SLC71A2: variants seen among roughly 807,000 people sequenced by gnomAD.
SLC71A2 encodes the protein hippocampus abundant transcript-like 1.
At chr9:94,411,620 C>T in the SLC71A2 span, among the ~76,000 whole-genome samples, 231 of 147,646 alleles carry the variant, frequency 1.6e-3, no homozygotes, top group Middle Eastern at 3.5e-3. Flanking sequence ...GACAGAGTTT[C>T]GTGCTTGTTG....
chr9:94,415,840 C>G, the SLC71A2 span, among the ~76,000 whole-genome samples: 1 of 152,146 alleles, frequency 6.6e-6, no homozygotes, highest in African/African-American at 2.4e-5. Flanking sequence ...TAACAGGCCA[C>G]GGACTCATAG....
the SLC71A2 span, chr9:94,451,503 A>G: frequency 3.2e-6 from 5 of 1,572,942 alleles, no homozygotes; most frequent in Non-Finnish European, 3.5e-6. Context: ...TAGCTATGGT[A>G]GGAATTCTGT....
chr9:94,459,043 G>A, the SLC71A2 span: 2 of 1,099,108 alleles, frequency 1.8e-6, no homozygotes, highest in African/African-American at 3.1e-5. Context: ...TGAAACATTT[G>A]CTTATGAGAA....
At chr9:94,389,302 G>A in the SLC71A2 span, among the ~76,000 whole-genome samples, 1 of 150,514 alleles carries the variant, frequency 6.6e-6, no homozygotes, top group African/African-American at 2.5e-5. Flanking sequence ...GTCTCACTCT[G>A]TTGCCCAGGC....
chr9:94,418,235 C>T, the SLC71A2 span, among the ~76,000 whole-genome samples: 1 of 151,980 alleles, frequency 6.6e-6, no homozygotes, highest in African/African-American at 2.4e-5. Flanking sequence ...ATTTTTTTGC[C>T]AATTGTTTTC....
chr9:94,382,175 T>A, the SLC71A2 span, among the ~76,000 whole-genome samples: 1 of 151,752 alleles, frequency 6.6e-6, no homozygotes, highest in Admixed American at 6.6e-5. Context: ...TACAGGCATA[T>A]GCCACCATAC....
At chr9:94,455,110 T>C in the SLC71A2 span, among the ~76,000 whole-genome samples, 1 of 150,596 alleles carries the variant, frequency 6.6e-6, no homozygotes, top group Non-Finnish European at 1.5e-5. Context: ...TAAGTACATA[T>C]GCCCCTTCTG....
chr9:94,456,163 T>C, the SLC71A2 span: 5 of 912,322 alleles, frequency 5.5e-6, no homozygotes, highest in Non-Finnish European at 6.9e-6. Context: ...TTTGTACTTT[T>C]GCCACTGATT....
At chr9:94,412,514 A>G in the SLC71A2 span, among the ~76,000 whole-genome samples, 1 of 152,252 alleles carries the variant, frequency 6.6e-6, no homozygotes, top group African/African-American at 2.4e-5. Flanking sequence ...TTCATACAAA[A>G]ACTTGTACAT....
chr9:94,418,338 T>G, the SLC71A2 span, among the ~76,000 whole-genome samples: 56 of 152,352 alleles, frequency 3.7e-4, no homozygotes, highest in South Asian at 3.7e-3. Flanking sequence ...GTCACTTTAG[T>G]GGATTGTTGA....
chr9:94,430,075 T>C, the SLC71A2 span, among the ~76,000 whole-genome samples: 1 of 151,686 alleles, frequency 6.6e-6, no homozygotes. Context: ...CAGCTGATTT[T>C]TGTATTTTTA....
the SLC71A2 span, chr9:94,460,178 C>T: frequency 6.6e-6 from 1 of 152,518 alleles, no homozygotes; most frequent in African/African-American, 2.4e-5. Flanking sequence ...CTCAAGCATT[C>T]TGGTGGCAAC....
chr9:94,440,263 C>T, the SLC71A2 span, among the ~76,000 whole-genome samples: 7 of 152,012 alleles, frequency 4.6e-5, no homozygotes, highest in Non-Finnish European at 8.8e-5. Flanking sequence ...ACACCATTCT[C>T]CTGCCTCAGC....
the SLC71A2 span, among the ~76,000 whole-genome samples, chr9:94,447,751 G>A: frequency 1.3e-5 from 2 of 152,246 alleles, no homozygotes; most frequent in Non-Finnish European, 2.9e-5. Context: ...AACGTATGAT[G>A]ACATGATAAC....
At chr9:94,460,874 T>C in the SLC71A2 span, 2 of 152,350 alleles carry the variant, frequency 1.3e-5, no homozygotes, top group South Asian at 4.1e-4. Flanking sequence ...TATTGGTTTT[T>C]AGGTTAAGCT....
chr9:94,431,771 A>C, the SLC71A2 span, among the ~76,000 whole-genome samples: 10 of 152,212 alleles, frequency 6.6e-5, no homozygotes, highest in South Asian at 2.1e-3. Flanking sequence ...AACTGAGCCG[A>C]CGTCCCAGCG....
chr9:94,429,784 C>G, the SLC71A2 span, among the ~76,000 whole-genome samples: 2 of 151,926 alleles, frequency 1.3e-5, no homozygotes, highest in African/African-American at 4.8e-5. Flanking sequence ...TGCATTTACT[C>G]CAAGATAACT....
At chr9:94,423,250 C>A in the SLC71A2 span, among the ~76,000 whole-genome samples, 1 of 147,328 alleles carries the variant, frequency 6.8e-6, no homozygotes, top group Non-Finnish European at 1.5e-5. Context: ...GATTGCCTTT[C>A]TGTTCTCTCT....
chr9:94,381,709 GC>G, the SLC71A2 span, among the ~76,000 whole-genome samples: 2 of 152,098 alleles, frequency 1.3e-5, no homozygotes, highest in Non-Finnish European at 2.9e-5. Context: ...GGTGGCTCAT[GC>G]GTGTAATCCC....
Sources: gnomAD v4.1 joint callset for allele counts (sites outside exome capture counted in the v4.1 genomes callset) on GRCh38, gnomAD v4.1.1 for gene constraint, MANE v1.5 for transcripts, NCBI Gene and HGNC (gene_info 2026-07-23, HGNC 2026-07-21) for gene names.